TGFB2: variants seen among roughly 807,000 people sequenced by gnomAD.
TGFB2 encodes the protein transforming growth factor beta-2 proprotein.
TGFB2 carries 13 observed loss-of-function variants against 42.7 expected under a neutral mutation model. The observed-to-expected ratio is 0.30, with a 90% CI of 0.20 to 0.48. The LOEUF (loss-of-function observed/expected upper bound fraction) is 0.48, where lower values mean the gene tolerates loss of function less well. Among genes scored for constraint, TGFB2 ranks in the 20% least tolerant of loss-of-function variants. TGFB2 has a pLI of 0.99. For synonymous variants in TGFB2, 193 were observed against 193.6 expected, an observed-to-expected ratio of 1.00 and a Z score of 0.03; for missense variants, 390 against 517.5, an observed-to-expected ratio of 0.75 and a Z score of 2.39.
At chr1:218,406,878 T>TGTGTGACA (rs1658931262) in intron 2 of TGFB2, among the ~76,000 whole-genome samples, 1 of 152,186 alleles carries the variant, frequency 6.6e-6, no homozygotes, top group South Asian at 2.1e-4. Context: ...ATAAGGGGTA[T>TGTGTGACA]ATATGTGTGA....
intron 1 of TGFB2, among the ~76,000 whole-genome samples, chr1:218,376,113 T>C (rs999953758): frequency 1.4e-4 from 22 of 152,186 alleles, no homozygotes; most frequent in African/African-American, 4.6e-4. Context: ...GTACCCACAG[T>C]CAACAATAAT....
At chr1:218,413,027 G>C (rs1185819930) in intron 2 of TGFB2, among the ~76,000 whole-genome samples, 1 of 152,156 alleles carries the variant, frequency 6.6e-6, no homozygotes, top group Non-Finnish European at 1.5e-5. Context: ...TTCTTAGATG[G>C]AGATTCAAGT....
intron 1 of TGFB2, among the ~76,000 whole-genome samples, chr1:218,392,607 G>GTCTTT (rs1422096652): frequency 2.0e-5 from 3 of 152,180 alleles, no homozygotes; most frequent in Admixed American, 2.0e-4. Context: ...GTCTTGTCTT[G>GTCTTT]TCTTGTAAAG....
intron 2 of TGFB2, 51 bp downstream of exon 2, chr1:218,405,383 G>T (rs749223590): frequency 1.6e-5 from 26 of 1,583,258 alleles, no homozygotes; most frequent in Non-Finnish European, 2.2e-5. Context: ...GTTTTAGACA[G>T]ACTCTCTCTC....
intron 1 of TGFB2, among the ~76,000 whole-genome samples, chr1:218,381,443 A>T (rs58963978): frequency 5.9e-5 from 9 of 151,742 alleles, no homozygotes; most frequent in African/African-American, 2.2e-4. Flanking sequence ...TTTAGTAGAG[A>T]CGGGGTTTCA....
chr1:218,369,240 G>A (rs1027121506), intron 1 of TGFB2, among the ~76,000 whole-genome samples: 2 of 105,444 alleles, frequency 1.9e-5, no homozygotes, highest in Admixed American at 1.4e-4. Context: ...GGGCAACAAA[G>A]CAAGATTCCG....
intron 1 of TGFB2, chr1:218,363,527 T>TCA: frequency 9.0e-7 from 1 of 1,114,114 alleles, no homozygotes; most frequent in South Asian, 1.3e-5. Flanking sequence ...GATTCTGAAA[T>TCA]GCAGCCTTGT....
At chr1:218,360,218 G>A (rs1657165423) in intron 1 of TGFB2, among the ~76,000 whole-genome samples, 1 of 152,146 alleles carries the variant, frequency 6.6e-6, no homozygotes, top group African/African-American at 2.4e-5. Context: ...TGTGCAGATA[G>A]TTCAGAAACA....
chr1:218,434,613 G>T (rs1273161344), intron 4 of TGFB2, among the ~76,000 whole-genome samples, 165 bp downstream of exon 4: 1 of 152,144 alleles, frequency 6.6e-6, no homozygotes, highest in Non-Finnish European at 1.5e-5. Flanking sequence ...AAGGGAGAAA[G>T]GATTGGAAGA....
intron 1 of TGFB2, among the ~76,000 whole-genome samples, chr1:218,369,734 G>C (rs144136768): frequency 2.0e-5 from 3 of 152,322 alleles, no homozygotes; most frequent in Non-Finnish European, 4.4e-5. Flanking sequence ...TTTGGCCTAG[G>C]AGAATGTCAA....
At chr1:218,368,981 G>A (rs1437900855) in intron 1 of TGFB2, among the ~76,000 whole-genome samples, 2 of 152,058 alleles carry the variant, frequency 1.3e-5, no homozygotes, top group Admixed American at 6.5e-5. Flanking sequence ...GTTGGGCCGG[G>A]CACGGTGGCT....
chr1:218,438,133 C>G (rs6678287), intron 6 of TGFB2, among the ~76,000 whole-genome samples: 11,567 of 152,242 alleles, frequency 0.076, 500 homozygotes, highest in East Asian at 0.15. Context: ...TTCACCCTTA[C>G]CCTGTTCCCA....
At chr1:218,435,903 A>C in intron 4 of TGFB2, 67 bp from the exon 5 acceptor site, 5 of 1,504,088 alleles carry the variant, frequency 3.3e-6, no homozygotes, top group Non-Finnish European at 4.5e-6. Flanking sequence ...CAAAGGAAAA[A>C]AATATGGCTG....
chr1:218,430,212 G>A (rs992513488), intron 2 of TGFB2, among the ~76,000 whole-genome samples: 14 of 152,010 alleles, frequency 9.2e-5, no homozygotes, highest in African/African-American at 3.1e-4. Context: ...GGGCAACATG[G>A]CAAAACCCCG....
At chr1:218,360,825 T>A (rs924895197) in intron 1 of TGFB2, among the ~76,000 whole-genome samples, 1 of 152,248 alleles carries the variant, frequency 6.6e-6, no homozygotes, top group Admixed American at 6.5e-5. Context: ...ACCTCAGTGC[T>A]GCTTCAATGA....
At chr1:218,418,008 G>A (rs982434765) in intron 2 of TGFB2, among the ~76,000 whole-genome samples, 1 of 152,236 alleles carries the variant, frequency 6.6e-6, no homozygotes, top group African/African-American at 2.4e-5. Flanking sequence ...CTAGGGCAGT[G>A]CAGAAGCGAA....
Position 218,379,436 on chromosome 1 carries a change from T to TACCTTTC in TGFB2, c.347-25727_347-25726insCACCTTT, listed in dbSNP as rs1657882133. On this transcript the variant is annotated intron_variant, in intron 1 of 6. Transcript: ENST00000366930. ...GGCGTGAGCCACCGTGCCCGGCCAG[T>TACCTTTC]ACCTTTTCTTTATTTTTTAATTTTA... Among the ~76,000 whole-genome samples the TACCTTTC allele has an allele frequency of 2.6e-5, 4 of 151,340 alleles. No homozygotes were observed. In the South Asian group the frequency reaches 8.3e-4, roughly 31 times the overall value.
chr1:218,387,517 G>A (rs912833636), intron 1 of TGFB2, among the ~76,000 whole-genome samples: 2 of 152,112 alleles, frequency 1.3e-5, no homozygotes, highest in Non-Finnish European at 2.9e-5. Context: ...CTCAAGGGCA[G>A]GTAGTGTCTC....
intron 2 of TGFB2, among the ~76,000 whole-genome samples, chr1:218,412,883 G>A (rs1659145993): frequency 6.6e-6 from 1 of 152,138 alleles, no homozygotes; most frequent in South Asian, 2.1e-4. Context: ...TAACTCCCTG[G>A]GGGAAGCAGA....
Sources: allele counts gnomAD v4.1 joint callset (sites outside exome capture counted in the v4.1 genomes callset), GRCh38; gene constraint gnomAD v4.1.1; transcripts MANE v1.5; gene names NCBI Gene and HGNC (gene_info 2026-07-23, HGNC 2026-07-21).